INPP4A: variants seen among roughly 807,000 people sequenced by gnomAD.
INPP4A encodes the protein inositol polyphosphate-4-phosphatase type I A.
Under a neutral mutation model 119.8 loss-of-function variants are expected in INPP4A, and 33 were observed. The ratio of observed to expected loss-of-function variants is 0.28; its 90% CI spans 0.21 to 0.37. INPP4A has a LOEUF of 0.37. Ranked by LOEUF, INPP4A falls within the 10% of genes least tolerant of loss-of-function variation. The pLI is 1.00. For synonymous variants in INPP4A, 496 were observed against 500.7 expected (o/e 0.99, Z 0.12); for missense variants, 956 against 1,289.9 (o/e 0.74, Z 3.97).
chr2:98,533,569 T>A, intron 5 of INPP4A, 74 bp downstream of exon 5: 2 of 877,566 alleles, frequency 2.3e-6, no homozygotes, highest in Non-Finnish European at 3.8e-6. Flanking sequence ...GATGTTCAGT[T>A]ACTTGTGCAT....
intron 2 of INPP4A, chr2:98,519,700 G>A (rs1028632167): frequency 4.0e-6 from 1 of 251,572 alleles, no homozygotes; most frequent in Non-Finnish European, 7.7e-6. Flanking sequence ...CATTCACTGT[G>A]GCATATCTCT....
chr2:98,554,429 C>A lies in INPP4A; in HGVS notation c.1506C>A (p.Ala502=). 1.9e-6 allele frequency: 3 copies of A among 1,613,926 alleles called. No homozygotes were observed. Among genetic ancestry groups the A allele is most frequent in the South Asian group, 1.1e-5 (1 of 91,036 alleles). The change falls in exon 15 of 25, where the codon GCC becomes GCA. Residue 502 remains alanine, a synonymous_variant. Coordinates refer to ENST00000409851, the MANE Select transcript of INPP4A (RefSeq NM_001134225.2). The surrounding 1 kb of genome is among the most constrained non-coding windows in gnomAD (Gnocchi z 4.7). The part of the protein sequence containing the change: ...MLRNDQDTLM[A]RWTGRNSRSS... ...GAAATGACCAGGACACCCTCATGGC[C>A]CGGTGGACAGGGAGAAACAGCCGAT...
chr2:98,519,253 C>G (rs561121203), intron 2 of INPP4A: 13 of 152,346 alleles, frequency 8.5e-5, no homozygotes, highest in African/African-American at 2.9e-4. Context: ...CCTGAAACAC[C>G]TTCTCGCTGC....
chr2:98,461,447 C>A (rs879937403), intron 1 of INPP4A, among the ~76,000 whole-genome samples: 3 of 152,220 alleles, frequency 2.0e-5, no homozygotes, highest in Non-Finnish European at 4.4e-5. Flanking sequence ...TTGAAATCTT[C>A]CATCCCCTTA....
At chr2:98,504,897 C>T (rs1241416349) in intron 1 of INPP4A, among the ~76,000 whole-genome samples, 1 of 152,190 alleles carries the variant, frequency 6.6e-6, no homozygotes, top group Non-Finnish European at 1.5e-5. Flanking sequence ...TTCAGGCCCA[C>T]GTGCCATCCT....
intron 11 of INPP4A, among the ~76,000 whole-genome samples, chr2:98,545,106 C>T (rs1159179665): frequency 2.6e-5 from 4 of 152,128 alleles, no homozygotes; most frequent in Non-Finnish European, 4.4e-5. Context: ...GCTCATGGTG[C>T]GGTCTGTGGA....
intron 1 of INPP4A, among the ~76,000 whole-genome samples, chr2:98,469,499 CAAAA>C (rs768218588): frequency 3.9e-4 from 41 of 106,144 alleles, no homozygotes; most frequent in Non-Finnish European, 7.5e-4. Context: ...GACTCCGTCT[CAAAA>C]AAAAAAAAAA....
At chr2:98,493,224 T>G (rs559332815) in intron 1 of INPP4A, among the ~76,000 whole-genome samples, 1 of 152,148 alleles carries the variant, frequency 6.6e-6, no homozygotes, top group East Asian at 1.9e-4. Context: ...GTGAGCCCTT[T>G]TTTTGGATGT....
intron 4 of INPP4A, among the ~76,000 whole-genome samples, chr2:98,523,978 T>C (rs1226689366): frequency 1.3e-5 from 2 of 152,168 alleles, no homozygotes; most frequent in African/African-American, 4.8e-5. Context: ...TGACATTCTT[T>C]TTTCATGTGG....
intron 1 of INPP4A, among the ~76,000 whole-genome samples, chr2:98,459,312 G>A (rs1011652706): frequency 6.6e-6 from 1 of 152,188 alleles, no homozygotes; most frequent in African/African-American, 2.4e-5. Context: ...CCTAAGGGAG[G>A]GTAGAGTTCA....
chr2:98,467,131 C>T (rs867134816), intron 1 of INPP4A, among the ~76,000 whole-genome samples: 31 of 152,032 alleles, frequency 2.0e-4, no homozygotes, highest in African/African-American at 5.5e-4. Flanking sequence ...AGGAAGGGAG[C>T]GGGTGGTGGT....
At chr2:98,469,525 G>A (rs374206881) in intron 1 of INPP4A, among the ~76,000 whole-genome samples, 6 of 151,138 alleles carry the variant, frequency 4.0e-5, no homozygotes, top group African/African-American at 1.2e-4. Context: ...AACTTGGGCC[G>A]GGTGCGGTGG....
chr2:98,475,674 T>C (rs1269810127), intron 1 of INPP4A, among the ~76,000 whole-genome samples: 2 of 152,224 alleles, frequency 1.3e-5, no homozygotes, highest in African/African-American at 4.8e-5. Context: ...AGTCTCCTGC[T>C]GTTTGCTGGG....
At chr2:98,446,694 C>T (rs1418363815) in intron 1 of INPP4A, among the ~76,000 whole-genome samples, 1 of 152,078 alleles carries the variant, frequency 6.6e-6, no homozygotes, top group African/African-American at 2.4e-5. Flanking sequence ...CATGTAGCTA[C>T]TTTTTTCATT....
intron 4 of INPP4A, among the ~76,000 whole-genome samples, chr2:98,522,770 G>T (rs1273914154): frequency 7.1e-6 from 1 of 141,330 alleles, no homozygotes; most frequent in Admixed American, 7.0e-5. Flanking sequence ...CTTCCAGAAA[G>T]AAAAAAAAAA....
intron 21 of INPP4A, among the ~76,000 whole-genome samples, chr2:98,567,966 C>T (rs1696777065): frequency 6.6e-6 from 1 of 152,238 alleles, no homozygotes. Context: ...ACCTGGACTT[C>T]AGAGCCTGCA....
chr2:98,567,534 T>G (rs1696683968), intron 21 of INPP4A, among the ~76,000 whole-genome samples: 1 of 152,102 alleles, frequency 6.6e-6, no homozygotes, highest in Admixed American at 6.5e-5. Context: ...AAAATGATGG[T>G]GCCTGCATCC....
chr2:98,492,044 C>T (rs1680910304), intron 1 of INPP4A, among the ~76,000 whole-genome samples: 2 of 152,240 alleles, frequency 1.3e-5, no homozygotes, highest in South Asian at 4.1e-4. Flanking sequence ...CATGAACCAC[C>T]ATGCCCAGCT....
intron 10 of INPP4A, among the ~76,000 whole-genome samples, chr2:98,542,942 G>A (rs963308067): frequency 2.1e-5 from 3 of 144,178 alleles, no homozygotes; most frequent in African/African-American, 7.8e-5. Context: ...TTTTTTTTTT[G>A]AGATGGAGTC....
Sources: gnomAD v4.1 joint callset for allele counts (sites outside exome capture counted in the v4.1 genomes callset) on GRCh38, gnomAD v4.1.1 for gene constraint, Gnocchi (gnomAD v3.1) non-coding constraint, MANE v1.5 for transcripts, NCBI Gene and HGNC (gene_info 2026-07-23, HGNC 2026-07-21) for gene names.